Variants in IL23R observed in about 807,000 individuals in gnomAD.
IL23R encodes the protein interleukin 23 receptor.
Under a neutral mutation model 56.9 loss-of-function variants are expected in IL23R, and 34 were observed. The ratio of observed to expected loss-of-function variants is 0.60; its 90% CI spans 0.45 to 0.80. IL23R has a LOEUF of 0.80. Among genes scored for constraint, IL23R ranks in the 30% least tolerant of loss-of-function variants. The pLI is 0.00. For missense variants in IL23R, 635 were observed against 730.0 expected, an observed-to-expected ratio of 0.87 and a Z score of 1.50; for synonymous variants, 230 against 249.2, an observed-to-expected ratio of 0.92 and a Z score of 0.73.
Position 67,236,760 on chromosome 1 carries a change from G to A in IL23R, c.1003G>A (p.Gly335Arg), listed in dbSNP as rs764546073. ...ATTCCAACATGACACATGGAATTCT[G>A]GGCTAACAGTTGCTTCCATCTCTAC... ...KAFQHDTWNS[G>R]LTVASISTGH... The change falls in exon 8 of 11, where the codon GGG becomes AGG. Residue 335 changes from glycine (G) to arginine (R), a missense_variant. By Grantham distance (125) the Gly-to-Arg change is moderately radical. Coordinates refer to ENST00000347310, the MANE Select transcript of IL23R (RefSeq NM_144701.3). The A allele has an allele frequency of 6.2e-7, 1 of 1,613,756 alleles. No homozygotes were observed. Among genetic ancestry groups the A allele is most frequent in the South Asian group, 1.1e-5 (1 of 91,060 alleles).
chr1:67,197,670 T>A (rs1648265153), intron 4 of IL23R, among the ~76,000 whole-genome samples: 1 of 152,038 alleles, frequency 6.6e-6, no homozygotes, highest in African/African-American at 2.4e-5. Context: ...CTAGACCAGG[T>A]GTGGTGGCTC....
chr1:67,218,097 T>A (rs921444372), intron 6 of IL23R, among the ~76,000 whole-genome samples: 1 of 152,136 alleles, frequency 6.6e-6, no homozygotes, highest in Non-Finnish European at 1.5e-5. Context: ...TTGGTTTCTT[T>A]CTGCCAACTG....
chr1:67,185,649 C>T (rs908479463), intron 4 of IL23R, among the ~76,000 whole-genome samples: 4 of 152,030 alleles, frequency 2.6e-5, no homozygotes, highest in Admixed American at 2.0e-4. Flanking sequence ...TTAAGTGAAA[C>T]CTAAAAAGAA....
At chr1:67,257,028 G>A (rs1387396354) in intron 10 of IL23R, among the ~76,000 whole-genome samples, 1 of 152,134 alleles carries the variant, frequency 6.6e-6, no homozygotes, top group Admixed American at 6.6e-5. Flanking sequence ...AATACCCAAT[G>A]TGCTGTTCTT....
At chr1:67,176,036 G>T (rs1012749439) in intron 3 of IL23R, among the ~76,000 whole-genome samples, 10 of 152,104 alleles carry the variant, frequency 6.6e-5, no homozygotes, top group African/African-American at 1.9e-4. Context: ...AATATCAAAT[G>T]CTGCTCAATG....
At chr1:67,139,841 T>A (rs1274873283) in intron 1 of IL23R, among the ~76,000 whole-genome samples, 1 of 152,194 alleles carries the variant, frequency 6.6e-6, no homozygotes, top group Non-Finnish European at 1.5e-5. Flanking sequence ...GCACCCAGCT[T>A]GGTGGGGCCT....
chr1:67,230,329 C>T (rs1443080782), intron 7 of IL23R, among the ~76,000 whole-genome samples: 1 of 152,190 alleles, frequency 6.6e-6, no homozygotes. Context: ...GCAAATAAAA[C>T]ATGGCAAATG....
downstream of IL23R, among the ~76,000 whole-genome samples, chr1:67,264,413 T>C (rs976724002): frequency 2.6e-5 from 4 of 152,224 alleles, no homozygotes; most frequent in African/African-American, 4.8e-5. Flanking sequence ...ATACCAATTA[T>C]AGAAGATAAT....
chr1:67,235,594 A>G (rs1651422551), intron 7 of IL23R, among the ~76,000 whole-genome samples: 1 of 152,022 alleles, frequency 6.6e-6, no homozygotes, highest in South Asian at 2.1e-4. Flanking sequence ...GGGTTTCACC[A>G]TGTTGCCCAG....
chr1:67,168,270 G>C, intron 2 of IL23R, 80 bp downstream of exon 2: 1 of 1,051,938 alleles, frequency 9.5e-7, no homozygotes, highest in South Asian at 1.3e-5. Flanking sequence ...ATGGTTTTAT[G>C]TTAGAATCTC....
chr1:67,236,985 T>A (rs1392022219), intron 8 of IL23R, among the ~76,000 whole-genome samples, 183 bp downstream of exon 8: 1 of 152,166 alleles, frequency 6.6e-6, no homozygotes, highest in Non-Finnish European at 1.5e-5. Context: ...AAGAAGTGGC[T>A]TAGGTGGATT....
intron 9 of IL23R, among the ~76,000 whole-genome samples, chr1:67,241,254 TG>T (rs1376305816): frequency 6.6e-6 from 1 of 152,192 alleles, no homozygotes; most frequent in Non-Finnish European, 1.5e-5. Flanking sequence ...AGTAGAACAG[TG>T]GGTTCTGTAA....
intron 1 of IL23R, among the ~76,000 whole-genome samples, chr1:67,151,741 G>T (rs991535487): frequency 3.9e-5 from 6 of 152,126 alleles, no homozygotes; most frequent in Non-Finnish European, 7.3e-5. Context: ...TGTCACGTTT[G>T]TCGAAGATCA....
chr1:67,201,551 C>CAAAA (rs1231175917), intron 5 of IL23R, among the ~76,000 whole-genome samples: 1 of 85,378 alleles, frequency 1.2e-5, no homozygotes, highest in Non-Finnish European at 2.6e-5. Context: ...CTAGGGAAGG[C>CAAAA]AAAAAAAAAA....
In IL23R at chr1:67,206,905, T is replaced by C. The variant is rs999037909; in HGVS notation, c.653-5T>C. On this transcript the variant is annotated splice_polypyrimidine_tract_variant and splice_region_variant and intron_variant, in intron 5 of 10. Transcript: ENST00000347310. ...AGGTCTTTTTTTTTTTTTTTTTTTT[T>C]CTAGTGATACCTTCTGCAGCCGTCA... is the stretch of plus-strand genomic sequence containing the variant. The C allele has an allele frequency of 2.5e-5, 38 of 1,529,070 alleles. No homozygotes were observed. Among genetic ancestry groups the C allele is most frequent in the East Asian group, 2.2e-4 (9 of 41,116 alleles). 94.7% of individuals were successfully genotyped at this position (1,529,070 alleles called of 1,614,324 possible).
downstream of IL23R, among the ~76,000 whole-genome samples, chr1:67,264,364 C>T (rs1008684234): frequency 2.0e-5 from 3 of 152,142 alleles, no homozygotes; most frequent in African/African-American, 7.2e-5. Context: ...CCCAAAGACT[C>T]TGGAATTATG....
At chr1:67,262,817 A>G (rs1653234340), downstream of IL23R, among the ~76,000 whole-genome samples, 1 of 152,186 alleles carries the variant, frequency 6.6e-6, no homozygotes, top group Non-Finnish European at 1.5e-5. Flanking sequence ...GAAGAGAGAA[A>G]AAGCCTCTCA....
chr1:67,226,299 G>A (rs965642072), intron 7 of IL23R, among the ~76,000 whole-genome samples: 4 of 152,206 alleles, frequency 2.6e-5, no homozygotes, highest in Non-Finnish European at 5.9e-5. Context: ...TCCTTGTCCA[G>A]TGTCCAGGAA....
chr1:67,187,476 T>C (rs1354672509), intron 4 of IL23R, among the ~76,000 whole-genome samples: 4 of 152,246 alleles, frequency 2.6e-5, no homozygotes, highest in Admixed American at 6.5e-5. Context: ...CTATGTATTA[T>C]ATATTTCTTT....
Sources: allele counts gnomAD v4.1 joint callset (sites outside exome capture counted in the v4.1 genomes callset), GRCh38; gene constraint gnomAD v4.1.1; transcripts MANE v1.5; gene names NCBI Gene and HGNC (gene_info 2026-07-23, HGNC 2026-07-21).